Variants in SCTR observed in about 807,000 individuals in gnomAD.
The protein encoded by SCTR is pancreatic secretin receptor.
In SCTR, 56 loss-of-function variants were observed where a neutral mutation model predicts 60.8. The ratio of observed to expected loss-of-function variants is 0.92; its 90% CI spans 0.74 to 1.15. The LOEUF is 1.15. Ranked by LOEUF, SCTR falls within the 50% of genes most tolerant of loss-of-function variation. The pLI, the probability that SCTR is intolerant of heterozygous loss-of-function variation, is 0.00. For synonymous variants in SCTR, 202 were observed against 217.0 expected, an observed-to-expected ratio of 0.93 and a Z score of 0.61; for missense variants, 562 against 550.4, an observed-to-expected ratio of 1.02 and a Z score of -0.21.
chr2:119,524,186 A>G lies in SCTR; in HGVS notation c.41T>C (p.Leu14Pro), dbSNP rs1202093134. Residue 14 changes from leucine (L) to proline (P), a missense_variant, in exon 1 of 13, where the codon CTG (leucine) becomes CCG (proline). By Grantham distance (98) the Leu-to-Pro change is moderately conservative. Coordinates refer to ENST00000019103, the MANE Select transcript of SCTR (RefSeq NM_002980.3). ...CGCGGCGCAGGCGAGCAGCACCGGC[A>G]GTAGTAGCTGCTGCAGCGGCGGCGA... is the stretch of plus-strand genomic sequence containing the variant. ...HLSPPLQQLL[L>P]PVLLACAAHS... is the part of the protein sequence containing the mutation. 2.0e-6 allele frequency: 3 copies of G among 1,527,834 alleles called. No individual in the cohort carries two copies. The highest frequency in any genetic ancestry group is 4.1e-5 in the Admixed American group (2 of 49,058). The allele number at this position is 1,527,834 out of a possible 1,614,324, so 94.6% of individuals were successfully genotyped here.
At chr2:119,471,409 T>G (rs1414013891) in intron 4 of SCTR, among the ~76,000 whole-genome samples, 1 of 152,160 alleles carries the variant, frequency 6.6e-6, no homozygotes, top group Non-Finnish European at 1.5e-5. Context: ...CGAATCTCCT[T>G]ATTAAATCAT....
At chr2:119,472,381 G>T (rs1356717936) in intron 4 of SCTR, among the ~76,000 whole-genome samples, 1 of 152,202 alleles carries the variant, frequency 6.6e-6, no homozygotes, top group East Asian at 1.9e-4. Context: ...CCTAACGGGG[G>T]CAAAGGCCCA....
chr2:119,514,535 A>G (rs1331805518), intron 1 of SCTR, among the ~76,000 whole-genome samples: 3 of 152,204 alleles, frequency 2.0e-5, no homozygotes. Context: ...TGGACTCTTA[A>G]GTCAAGATGG....
chr2:119,497,753 G>A (rs547172742), intron 1 of SCTR, among the ~76,000 whole-genome samples: 219 of 152,256 alleles, frequency 1.4e-3, no homozygotes, highest in Non-Finnish European at 2.2e-3. Flanking sequence ...CAGAATGATG[G>A]TGATGGAAGG....
chr2:119,477,441 G>A (rs1573863889), intron 3 of SCTR, among the ~76,000 whole-genome samples: 1 of 94,432 alleles, frequency 1.1e-5, no homozygotes, highest in South Asian at 4.1e-4. Context: ...GACGTTTTTT[G>A]TTTGTTTGTT....
Position 119,465,467 on chromosome 2 carries a change from T to A in SCTR, c.503+322A>T, listed in dbSNP as rs183507915. Among the ~76,000 whole-genome samples, 411 of 152,310 alleles carry A rather than the reference T, an allele frequency of 2.7e-3. 3 individuals carry two copies. The highest frequency in any genetic ancestry group is 9.1e-3 in the African/African-American group (377 of 41,566). On this transcript the variant is annotated intron_variant, in intron 5 of 12. Coordinates refer to ENST00000019103, the MANE Select transcript of SCTR (RefSeq NM_002980.3). ...TTTCTTATGCTGTTTCGAGGTGGATTTCTGTCTCTTGCAACAGAATCTCGC... is the reference window on the plus strand; with the variant it reads ...TTTCTTATGCTGTTTCGAGGTGGATATCTGTCTCTTGCAACAGAATCTCGC...
chr2:119,457,969 C>G (rs1683438535), intron 7 of SCTR, among the ~76,000 whole-genome samples: 1 of 152,144 alleles, frequency 6.6e-6, no homozygotes, highest in African/African-American at 2.4e-5. Flanking sequence ...AAACCAAGTA[C>G]ATGAATGACT....
At chr2:119,460,897 A>G (rs1303045255) in intron 7 of SCTR, among the ~76,000 whole-genome samples, 1 of 152,194 alleles carries the variant, frequency 6.6e-6, no homozygotes, top group Non-Finnish European at 1.5e-5. Flanking sequence ...AAGGGTGTCT[A>G]TGAGATTCAA....
At chr2:119,460,024 A>G (rs1683537618) in intron 7 of SCTR, among the ~76,000 whole-genome samples, 2 of 151,612 alleles carry the variant, frequency 1.3e-5, no homozygotes, top group Admixed American at 6.6e-5. Context: ...TAACTCTGCA[A>G]CCTCCCGATG....
chr2:119,506,510 C>T (rs1678745060), intron 1 of SCTR, among the ~76,000 whole-genome samples: 2 of 151,380 alleles, frequency 1.3e-5, no homozygotes, highest in Non-Finnish European at 2.9e-5. Flanking sequence ...GAGACAGGGT[C>T]TCGCTCAGTC....
intron 1 of SCTR, among the ~76,000 whole-genome samples, chr2:119,511,306 T>C (rs965720256): frequency 1.3e-5 from 2 of 152,196 alleles, no homozygotes; most frequent in Middle Eastern, 3.2e-3. Flanking sequence ...AAAGATGAGA[T>C]GTTTTAAAAT....
intron 2 of SCTR, chr2:119,486,601 A>T (rs930040421): frequency 3.3e-5 from 5 of 152,218 alleles, no homozygotes; most frequent in Non-Finnish European, 7.3e-5. Flanking sequence ...GGGTAAGGTT[A>T]TCAGTCATTC....
At chr2:119,520,054 A>G (rs1679242842) in intron 1 of SCTR, among the ~76,000 whole-genome samples, 1 of 152,146 alleles carries the variant, frequency 6.6e-6, no homozygotes, top group African/African-American at 2.4e-5. Context: ...AATAAGAGTC[A>G]ATTAAAGGAG....
chr2:119,495,148 C>G (rs1410489347), intron 1 of SCTR, among the ~76,000 whole-genome samples: 2 of 152,052 alleles, frequency 1.3e-5, no homozygotes, highest in Non-Finnish European at 2.9e-5. Context: ...CACACACACA[C>G]AGATATATAT....
chr2:119,459,291 G>A (rs568685066), intron 7 of SCTR, among the ~76,000 whole-genome samples: 7 of 152,094 alleles, frequency 4.6e-5, no homozygotes, highest in East Asian at 1.9e-4. Flanking sequence ...GGGAAGAAGC[G>A]AAATTCAAAA....
chr2:119,488,448 G>A (rs1402613806), intron 2 of SCTR, among the ~76,000 whole-genome samples: 1 of 152,260 alleles, frequency 6.6e-6, no homozygotes, highest in Non-Finnish European at 1.5e-5. Flanking sequence ...TCCCCAGTGA[G>A]CTTTCTCAGC....
At chr2:119,516,865 G>A (rs142091353) in intron 1 of SCTR, among the ~76,000 whole-genome samples, 2,252 of 152,242 alleles carry the variant, frequency 0.015, 27 homozygotes, top group South Asian at 0.035. Flanking sequence ...AGGCTGAGGC[G>A]GGAGGATCAC....
chr2:119,490,772 G>A (rs1233862174), intron 2 of SCTR, among the ~76,000 whole-genome samples: 1 of 152,146 alleles, frequency 6.6e-6, no homozygotes, highest in Non-Finnish European at 1.5e-5. Flanking sequence ...CCTTTTCTGG[G>A]CACACCAATC....
At chr2:119,512,881 T>G (rs1295698361) in intron 1 of SCTR, among the ~76,000 whole-genome samples, 1 of 152,236 alleles carries the variant, frequency 6.6e-6, no homozygotes, top group African/African-American at 2.4e-5. Flanking sequence ...AAATATTAGT[T>G]GTACGTCTTA....
Sources: allele counts gnomAD v4.1 joint callset (sites outside exome capture counted in the v4.1 genomes callset), GRCh38; gene constraint gnomAD v4.1.1; transcripts MANE v1.5; gene names NCBI Gene and HGNC (gene_info 2026-07-23, HGNC 2026-07-21).